The following LRRC52 variants were observed in gnomAD, a reference collection of about 807,000 sequenced individuals.
LRRC52 encodes leucine rich repeat containing 52.
Under a neutral mutation model 14.7 loss-of-function variants are expected in LRRC52, and 15 were observed. That is an observed-to-expected ratio of 1.02 (90% CI 0.68 to 1.58). The LOEUF (loss-of-function observed/expected upper bound fraction) is 1.58, where lower values mean the gene tolerates loss of function less well. LRRC52 is among the 40% of genes most tolerant of loss of function. The probability of loss-of-function intolerance (pLI) is 0.00; values close to 1 mark genes in which losing one functional copy is unlikely to be tolerated. For missense variants in LRRC52, 400 were observed against 387.7 expected, an observed-to-expected ratio of 1.03 and a Z score of -0.27; for synonymous variants, 180 against 163.9, an observed-to-expected ratio of 1.10 and a Z score of -0.75.
chr1:165,553,375 C>A (rs1417553945), intron 1 of LRRC52, among the ~76,000 whole-genome samples: 1 of 152,152 alleles, frequency 6.6e-6, no homozygotes, highest in African/African-American at 2.4e-5. Context: ...ATGTCTTGGG[C>A]AGTTCTGCTG....
chr1:165,552,919 G>A (rs1661162634), intron 1 of LRRC52, among the ~76,000 whole-genome samples: 1 of 152,166 alleles, frequency 6.6e-6, no homozygotes, highest in Non-Finnish European at 1.5e-5. Context: ...GGGCTTTGCT[G>A]ACATAAACAC....
At chr1:165,554,312 A>G (rs1029166923) in intron 1 of LRRC52, among the ~76,000 whole-genome samples, 1 of 152,154 alleles carries the variant, frequency 6.6e-6, no homozygotes, top group Non-Finnish European at 1.5e-5. Context: ...GGGTGAGCAG[A>G]GGCAAGGAGT....
At position 165,563,768 on chromosome 1, in the gene LRRC52, C is replaced by G; in HGVS notation, c.886C>G (p.Arg296Gly). ...DEAGTRVEVS[R>G]RIFQTQTSSV... ...GGCCGGGACTAGGGTGGAAGTCAGCCGGCGGATTTTTCAAACCCAGACGAG... is the reference window on the plus strand; with the variant it reads ...GGCCGGGACTAGGGTGGAAGTCAGCGGGCGGATTTTTCAAACCCAGACGAG... The change falls in exon 2 of 2, where the codon CGG (arginine) becomes GGG (glycine). Residue 296 changes from arginine (R) to glycine (G), a missense_variant. Arg to Gly is a moderately radical substitution (Grantham distance 125). Coordinates refer to ENST00000294818, the MANE Select transcript of LRRC52 (RefSeq NM_001005214.4). The G allele has an allele frequency of 6.2e-7, 1 of 1,613,886 alleles. No homozygotes were observed. Among genetic ancestry groups the G allele is most frequent in the Non-Finnish European group, 8.5e-7 (1 of 1,179,954 alleles).
chr1:165,558,251 ATTAATGACATCTGTAG>A (rs2101832093), intron 1 of LRRC52, among the ~76,000 whole-genome samples: 1 of 152,338 alleles, frequency 6.6e-6, no homozygotes, highest in African/African-American at 2.4e-5. Flanking sequence ...GAAGTTCAAT[ATTAATGACATCTGTAG>A]TTAATGCCTG....
chr1:165,553,013 T>C (rs891121736), intron 1 of LRRC52, among the ~76,000 whole-genome samples: 3 of 152,160 alleles, frequency 2.0e-5, no homozygotes, highest in Non-Finnish European at 2.9e-5. Flanking sequence ...TGTAAAACAC[T>C]AGGCATTTGT....
At chr1:165,558,354 G>T (rs1430720067) in intron 1 of LRRC52, among the ~76,000 whole-genome samples, 1 of 152,216 alleles carries the variant, frequency 6.6e-6, no homozygotes, top group East Asian at 1.9e-4. Context: ...GAAGCTCCTG[G>T]AGTTGTGCAG....
At position 165,544,229 on chromosome 1, in the gene LRRC52, CGGCAG is replaced by C; in HGVS notation, c.-67_-63del. 41 of 1,476,228 alleles carry C rather than the reference CGGCAG, an allele frequency of 2.8e-5. No individual in the cohort carries two copies. Among genetic ancestry groups the C allele is most frequent in the African/African-American group, 5.7e-5 (4 of 70,204 alleles). The allele number at this position is 1,476,228 out of a possible 1,614,324, so 91.4% of individuals were successfully genotyped here. On this transcript the variant is annotated 5_prime_UTR_variant, in exon 1 of 2. Transcript: ENST00000294818. The stretch of plus-strand genomic sequence containing the variant: ...CCCCTCCCCCGCCCCACCCCCCCAC[CGGCAG>C]CCTTCGGATCAGAGGACAGAGCCCG...
rs147828962 is a variant in LRRC52 at position 165,557,462 on chromosome 1, G to C, written c.623-6043G>C. ...TTACGTCAGGGACAGTGAGCCCAAGGGGTTTGAATAACAATCAATTCATTC... is the reference window on the plus strand; with the variant it reads ...TTACGTCAGGGACAGTGAGCCCAAGCGGTTTGAATAACAATCAATTCATTC... On this transcript the variant is annotated intron_variant, in intron 1 of 1. Coordinates refer to ENST00000294818, the MANE Select transcript of LRRC52 (RefSeq NM_001005214.4). 1.7e-3 allele frequency among the ~76,000 whole-genome samples: 257 copies of C among 152,272 alleles called. 1 individual carries two copies. Among genetic ancestry groups the C allele is most frequent in the African/African-American group, 6.0e-3 (251 of 41,554 alleles).
In LRRC52 at chr1:165,544,623, C is replaced by A. The variant is rs757562327; in HGVS notation, c.327C>A (p.Ser109Arg). ...GVFKLIYLDL[S>R]SNNLTSISPF... is the part of the protein sequence containing the mutation. ...TCAAACTCATCTACCTTGACCTCAG[C>A]TCCAACAACCTAACCTCGATCTCCC... Residue 109 changes from serine to arginine, a missense_variant, in exon 1 of 2, where the codon AGC (serine) becomes AGA (arginine). Coordinates refer to ENST00000294818, the MANE Select transcript of LRRC52 (RefSeq NM_001005214.4). 6.2e-7 allele frequency: 1 copy of A among 1,613,918 alleles called. No individual in the cohort carries two copies. Among genetic ancestry groups the A allele is most frequent in the Non-Finnish European group, 8.5e-7 (1 of 1,179,986 alleles).
Position 165,544,125 on chromosome 1 carries a change from G to A in LRRC52, c.-172G>A, listed in dbSNP as rs530125344. 2.7e-4 allele frequency: 217 copies of A among 795,800 alleles called. 3 individuals are homozygous for A. The South Asian group carries it at 3.9e-3, about 14-fold the overall frequency. The allele number at this position is 795,800 out of a possible 1,614,324, so 49.3% of individuals were successfully genotyped here. A position where few individuals can be genotyped will look rare whatever the true frequency, so the allele number is the denominator to read the frequency against. On this transcript the variant is annotated 5_prime_UTR_variant, in exon 1 of 2. Transcript: ENST00000294818. ...GCTGGGCGGCAGGGCATTGAGCCTC[G>A]CGTTTCAATTTCTGTTCAGTTCTCC...
At chr1:165,546,797 A>G (rs894905196) in intron 1 of LRRC52, among the ~76,000 whole-genome samples, 8 of 152,078 alleles carry the variant, frequency 5.3e-5, no homozygotes, top group African/African-American at 1.9e-4. Flanking sequence ...CAGGCTGACC[A>G]CTTTGGACTC....
chr1:165,545,687 C>A (rs1661007861), intron 1 of LRRC52, among the ~76,000 whole-genome samples: 1 of 152,152 alleles, frequency 6.6e-6, no homozygotes, highest in South Asian at 2.1e-4. Context: ...GCTGTCCTCA[C>A]CCGGCCTGCC....
At chr1:165,547,281 C>G (rs1369942748) in intron 1 of LRRC52, among the ~76,000 whole-genome samples, 2 of 152,144 alleles carry the variant, frequency 1.3e-5, no homozygotes, top group Non-Finnish European at 1.5e-5. Flanking sequence ...AACTATCATC[C>G]TGTAAGTGAG....
intron 1 of LRRC52, among the ~76,000 whole-genome samples, chr1:165,553,713 C>T (rs1661180606): frequency 6.6e-6 from 1 of 152,106 alleles, no homozygotes; most frequent in Admixed American, 6.5e-5. Flanking sequence ...AGGGGAGTGG[C>T]ACCCCCTCTG....
chr1:165,544,203 G>GC lies in LRRC52; in HGVS notation c.-90dup. ...CTAAAGTGTTACAGTTCTTTCCAGA[G>GC]CCCCTCCCCCGCCCCACCCCCCCAC... On this transcript the variant is annotated 5_prime_UTR_variant, in exon 1 of 2. Coordinates refer to ENST00000294818, the MANE Select transcript of LRRC52 (RefSeq NM_001005214.4). 3.0e-6 allele frequency: 3 copies of GC among 1,001,746 alleles called. No individual in the cohort carries two copies. The highest frequency in any genetic ancestry group is 4.2e-6 in the Non-Finnish European group (3 of 706,260). The allele number at this position is 1,001,746 out of a possible 1,614,324, so 62.1% of individuals were successfully genotyped here. A position where few individuals can be genotyped will look rare whatever the true frequency, so the allele number is the denominator to read the frequency against.
At chr1:165,553,498 G>A (rs184704052) in intron 1 of LRRC52, among the ~76,000 whole-genome samples, 119 of 152,338 alleles carry the variant, frequency 7.8e-4, no homozygotes, top group Non-Finnish European at 1.4e-3. Flanking sequence ...GGACTGAAGG[G>A]AATAGGGTGC....
At position 165,563,532 on chromosome 1, in the gene LRRC52, C is replaced by T; in HGVS notation, c.650C>T (p.Pro217Leu). 1.2e-6 allele frequency: 2 copies of T among 1,613,944 alleles called. No homozygotes were observed. The highest frequency in any genetic ancestry group is 2.2e-5 in the South Asian group (2 of 91,046). Residue 217 changes from proline (P) to leucine (L), a missense_variant, in exon 2 of 2, where the codon CCC becomes CTC. Pro to Leu is a moderately conservative substitution (Grantham distance 98). Coordinates refer to ENST00000294818, the MANE Select transcript of LRRC52 (RefSeq NM_001005214.4). ...GATCTAAATGCCACATGTGTGGAGC[C>T]CACAGAGCTGACAGGGTGGCCCATC... ...SDDLNATCVE[P>L]TELTGWPITR...
At chr1:165,561,112 A>G (rs1198303539) in intron 1 of LRRC52, among the ~76,000 whole-genome samples, 1 of 152,104 alleles carries the variant, frequency 6.6e-6, no homozygotes, top group African/African-American at 2.4e-5. Flanking sequence ...AGTGGGAGAG[A>G]AACCCAGGCC....
At chr1:165,545,679 T>G (rs1264130540) in intron 1 of LRRC52, among the ~76,000 whole-genome samples, 1 of 152,170 alleles carries the variant, frequency 6.6e-6, no homozygotes, top group Admixed American at 6.5e-5. Flanking sequence ...CTCTACCCGC[T>G]GTCCTCACCC....
Sources: allele counts gnomAD v4.1 joint callset (sites outside exome capture counted in the v4.1 genomes callset), GRCh38; gene constraint gnomAD v4.1.1; transcripts MANE v1.5; gene names NCBI Gene and HGNC (gene_info 2026-07-23, HGNC 2026-07-21).